KANSL1: variants seen among roughly 807,000 people sequenced by gnomAD.
KANSL1 encodes the protein MLL1/MLL complex subunit KANSL1.
KANSL1 carries 22 observed loss-of-function variants against 103.6 expected under a neutral mutation model. The observed-to-expected ratio is 0.21, with a 90% CI of 0.15 to 0.30. KANSL1 has a LOEUF of 0.30. KANSL1 is among the 10% of genes least tolerant of loss of function. The pLI is 1.00. For synonymous variants in KANSL1, 600 were observed against 527.6 expected (o/e 1.14, Z -1.88); for missense variants, 1,337 against 1,399.8 (o/e 0.96, Z 0.72).
At chr17:46,211,670 G>A (rs566092392) in intron 1 of KANSL1, among the ~76,000 whole-genome samples, 3 of 152,224 alleles carry the variant, frequency 2.0e-5, no homozygotes, top group Non-Finnish European at 2.9e-5. Flanking sequence ...AAAAAGTCAA[G>A]CATCTTCAGT....
chr17:46,100,758 T>C (rs1332050473), intron 2 of KANSL1, among the ~76,000 whole-genome samples: 2 of 152,226 alleles, frequency 1.3e-5, no homozygotes, highest in Non-Finnish European at 2.9e-5. Flanking sequence ...AATTTGTATG[T>C]CAATCCAGTA....
At chr17:46,064,766 G>A (rs11079730) in intron 6 of KANSL1, among the ~76,000 whole-genome samples, 1 of 151,852 alleles carries the variant, frequency 6.6e-6, no homozygotes. Flanking sequence ...GAATACCTAA[G>A]CTCTGGAATA....
chr17:46,044,586 T>C (rs1233009024), intron 7 of KANSL1: 1 of 152,224 alleles, frequency 6.6e-6, no homozygotes, highest in Non-Finnish European at 1.5e-5. Context: ...TCCAAGGTTA[T>C]ATATCCTCTA....
chr17:46,125,948 A>ATT, intron 2 of KANSL1, among the ~76,000 whole-genome samples: 1 of 152,228 alleles, frequency 6.6e-6, no homozygotes, highest in South Asian at 2.1e-4. Context: ...ATATGAACTC[A>ATT]ATAAAGCAAA....
chr17:46,179,797 A>T (rs1236212367), intron 1 of KANSL1, among the ~76,000 whole-genome samples: 5 of 152,238 alleles, frequency 3.3e-5, no homozygotes, highest in Non-Finnish European at 5.9e-5. Flanking sequence ...GGCCGGGCGC[A>T]GTGACTCATG....
chr17:46,052,061 C>G (rs931108291), intron 6 of KANSL1, among the ~76,000 whole-genome samples: 2 of 151,994 alleles, frequency 1.3e-5, no homozygotes, highest in African/African-American at 4.8e-5. Context: ...TCTATGTAAT[C>G]AGAGCTGGCT....
chr17:46,194,059 T>TG (rs142794137), upstream of KANSL1, among the ~76,000 whole-genome samples: 4 of 148,080 alleles, frequency 2.7e-5, no homozygotes, highest in Non-Finnish European at 4.5e-5. Context: ...TTGGGCGGGG[T>TG]GGGGAGGGTG....
At chr17:46,094,468 G>T in intron 3 of KANSL1, 92 bp downstream of exon 3, 1 of 1,410,338 alleles carries the variant, frequency 7.1e-7, no homozygotes, top group Non-Finnish European at 9.8e-7. Context: ...TAAGAAGAGG[G>T]TTATGGGGGT....
At chr17:46,218,472 G>A (rs1305041354) in intron 1 of KANSL1, among the ~76,000 whole-genome samples, 3 of 152,234 alleles carry the variant, frequency 2.0e-5, no homozygotes, top group Non-Finnish European at 4.4e-5. Flanking sequence ...TAGTGTATGA[G>A]GAGCTATTAT....
chr17:46,074,235 C>A lies in KANSL1; in HGVS notation c.1534-6568G>T, dbSNP rs140118059. ...ATGCTAAAAGGACACAGGAGCCAAT[C>A]TGAAAGAGCGCCCAATACCCAAAGT... On this transcript the variant is annotated intron_variant, in intron 4 of 14. Transcript: ENST00000432791. Among the ~76,000 whole-genome samples, 12 of 152,234 alleles carry A rather than the reference C, an allele frequency of 7.9e-5. No individual in the cohort carries two copies. The East Asian group carries it at 2.3e-3, about 29-fold the overall frequency.
intron 2 of KANSL1, among the ~76,000 whole-genome samples, chr17:46,162,349 C>T (rs1049574039): frequency 2.0e-5 from 3 of 152,228 alleles, no homozygotes; most frequent in African/African-American, 7.2e-5. Context: ...TGGACCCATG[C>T]TTTCCCTTTT....
At chr17:46,137,474 G>A (rs1452369266) in intron 2 of KANSL1, among the ~76,000 whole-genome samples, 1 of 152,128 alleles carries the variant, frequency 6.6e-6, no homozygotes, top group Non-Finnish European at 1.5e-5. Flanking sequence ...CCTTACTATA[G>A]CAGCCAATCA....
intron 2 of KANSL1, among the ~76,000 whole-genome samples, chr17:46,117,065 C>T (rs1250244620): frequency 6.6e-6 from 1 of 152,180 alleles, no homozygotes; most frequent in Admixed American, 6.5e-5. Context: ...ACACTTCTCC[C>T]AATGAGAGGC....
intron 2 of KANSL1, among the ~76,000 whole-genome samples, chr17:46,109,196 C>T (rs1327041933): frequency 6.6e-6 from 1 of 152,150 alleles, no homozygotes; most frequent in African/African-American, 2.4e-5. Context: ...GATTCTCCTG[C>T]CTCAGCCTTC....
chr17:46,063,573 A>G (rs1159724316), intron 6 of KANSL1, among the ~76,000 whole-genome samples: 2 of 152,156 alleles, frequency 1.3e-5, no homozygotes, highest in East Asian at 1.9e-4. Flanking sequence ...AAAGTCAACT[A>G]ATTTCTCTGT....
intron 1 of KANSL1, among the ~76,000 whole-genome samples, chr17:46,210,004 A>T (rs1161867182): frequency 6.6e-6 from 1 of 152,240 alleles, no homozygotes; most frequent in Non-Finnish European, 1.5e-5. Context: ...TGCTGTCATC[A>T]AAGTAACTTC....
intron 10 of KANSL1, chr17:46,035,049 C>G (rs906739231): frequency 6.6e-6 from 1 of 152,180 alleles, no homozygotes; most frequent in African/African-American, 2.4e-5. Context: ...ATATCAGAGG[C>G]AGAGGTAAGC....
intron 3 of KANSL1, among the ~76,000 whole-genome samples, chr17:46,084,966 T>C (rs1010240983): frequency 6.6e-6 from 1 of 152,182 alleles, no homozygotes; most frequent in Admixed American, 6.5e-5. Flanking sequence ...CAACAGATAT[T>C]CCCTACTTAA....
At chr17:46,185,656 C>CATAT (rs377660109) in intron 1 of KANSL1, among the ~76,000 whole-genome samples, 11,859 of 148,848 alleles carry the variant, frequency 0.08, no homozygotes, top group Non-Finnish European at 0.12. Context: ...TCCCATTAAA[C>CATAT]ATATATATAT....
Sources: allele counts gnomAD v4.1 joint callset (sites outside exome capture counted in the v4.1 genomes callset), GRCh38; gene constraint gnomAD v4.1.1; transcripts MANE v1.5; gene names NCBI Gene and HGNC (gene_info 2026-07-23, HGNC 2026-07-21).